Variants in NELL1 observed in about 807,000 individuals in gnomAD.
NELL1 encodes neural EGFL like 1, also known as protein kinase C-binding protein NELL1.
NELL1 carries 76 observed loss-of-function variants against 107.4 expected under a neutral mutation model. The observed-to-expected ratio is 0.71, with a 90% confidence interval of 0.59 to 0.86. The LOEUF is 0.86. Among genes scored for constraint, NELL1 ranks in the 40% least tolerant of loss-of-function variants. The probability of loss-of-function intolerance (pLI) is 0.00; values close to 1 mark genes in which losing one functional copy is unlikely to be tolerated. For missense variants in NELL1, 1,024 were observed against 1,005.5 expected, an observed-to-expected ratio of 1.02 and a Z score of -0.25; for synonymous variants, 353 against 341.2, an observed-to-expected ratio of 1.03 and a Z score of -0.38.
At chr11:21,081,935 A>C (rs1854279193) in intron 12 of NELL1, among the ~76,000 whole-genome samples, 1 of 152,202 alleles carries the variant, frequency 6.6e-6, no homozygotes, top group African/African-American at 2.4e-5. Context: ...ATTTACTCAG[A>C]TGGGGGAACT....
intron 13 of NELL1, among the ~76,000 whole-genome samples, chr11:21,151,919 C>G (rs1159759490): frequency 6.6e-6 from 1 of 152,188 alleles, no homozygotes; most frequent in African/African-American, 2.4e-5. Context: ...CTATCTCCAT[C>G]CATTTGGCCT....
intron 12 of NELL1, among the ~76,000 whole-genome samples, chr11:20,990,388 C>T (rs1030709993): frequency 1.3e-5 from 2 of 152,182 alleles, no homozygotes; most frequent in Non-Finnish European, 2.9e-5. Context: ...CAAAGTGGCT[C>T]AAGGCTAGTT....
chr11:21,488,409 T>G (rs1020873799), intron 15 of NELL1, among the ~76,000 whole-genome samples: 26 of 152,146 alleles, frequency 1.7e-4, no homozygotes, highest in African/African-American at 6.0e-4. Context: ...TCAGCTTTGA[T>G]TCTGGATTTG....
At chr11:21,187,554 C>T (rs1856960646) in intron 13 of NELL1, among the ~76,000 whole-genome samples, 1 of 151,720 alleles carries the variant, frequency 6.6e-6, no homozygotes. Flanking sequence ...AAATTTTTGC[C>T]TATTTATTTT....
At chr11:21,363,693 T>G (rs114736411) in intron 14 of NELL1, among the ~76,000 whole-genome samples, 3,599 of 152,310 alleles carry the variant, frequency 0.024, 137 homozygotes, top group African/African-American at 0.08. Flanking sequence ...TATTATGATA[T>G]AGTTACTATA....
chr11:21,422,170 A>G (rs1852695313), intron 15 of NELL1, among the ~76,000 whole-genome samples: 1 of 151,826 alleles, frequency 6.6e-6, no homozygotes, highest in South Asian at 2.1e-4. Context: ...AGAAGAAGAG[A>G]GACAAAGAGA....
intron 12 of NELL1, among the ~76,000 whole-genome samples, chr11:20,989,947 AG>A (rs2134256214): frequency 6.6e-6 from 1 of 151,360 alleles, no homozygotes; most frequent in African/African-American, 2.4e-5. Context: ...CAGTGAGCCG[AG>A]ATCGCGCCAC....
intron 13 of NELL1, among the ~76,000 whole-genome samples, chr11:21,190,956 A>G (rs1289478534): frequency 1.3e-5 from 2 of 151,840 alleles, no homozygotes; most frequent in East Asian, 1.9e-4. Context: ...AAGATTTTGT[A>G]TGTAATGTTG....
At chr11:21,194,087 T>G (rs1857101205) in intron 13 of NELL1, among the ~76,000 whole-genome samples, 1 of 151,872 alleles carries the variant, frequency 6.6e-6, no homozygotes, top group Non-Finnish European at 1.5e-5. Context: ...GGAACTCATA[T>G]TGACCTTTAG....
At chr11:20,936,090 T>C (rs1850719204) in intron 9 of NELL1, among the ~76,000 whole-genome samples, 1 of 152,056 alleles carries the variant, frequency 6.6e-6, no homozygotes, top group African/African-American at 2.4e-5. Flanking sequence ...AATGAGGTGG[T>C]GAAGGAAGAA....
intron 15 of NELL1, among the ~76,000 whole-genome samples, chr11:21,419,240 G>A (rs1163280354): frequency 6.6e-6 from 1 of 152,090 alleles, no homozygotes; most frequent in Non-Finnish European, 1.5e-5. Flanking sequence ...GTAAAAATTA[G>A]TGAGAGAAGT....
At chr11:21,100,504 A>G (rs1465014136) in intron 12 of NELL1, among the ~76,000 whole-genome samples, 4 of 152,156 alleles carry the variant, frequency 2.6e-5, no homozygotes, top group Admixed American at 6.5e-5. Context: ...GGAAACCTCA[A>G]ATTTATGGTG....
chr11:21,383,286 C>T (rs1453661105), intron 15 of NELL1, among the ~76,000 whole-genome samples: 1 of 151,776 alleles, frequency 6.6e-6, no homozygotes, highest in African/African-American at 2.4e-5. Flanking sequence ...TTTGGGCTAA[C>T]GTGGTTTTAA....
chr11:21,287,919 C>T (rs1416166395), intron 14 of NELL1, among the ~76,000 whole-genome samples: 1 of 151,502 alleles, frequency 6.6e-6, no homozygotes, highest in Non-Finnish European at 1.5e-5. Flanking sequence ...TCATTCATCA[C>T]TATAGCATCA....
intron 14 of NELL1, among the ~76,000 whole-genome samples, chr11:21,318,867 T>C (rs544498685): frequency 1.3e-5 from 2 of 152,016 alleles, no homozygotes; most frequent in South Asian, 2.1e-4. Flanking sequence ...TGAGTTAAAA[T>C]CCCGACTCTA....
chr11:21,482,254 T>A (rs1023146845), intron 15 of NELL1, among the ~76,000 whole-genome samples: 7 of 152,202 alleles, frequency 4.6e-5, no homozygotes, highest in African/African-American at 1.7e-4. Context: ...GACTCCACTG[T>A]AGTGTTGAGT....
At chr11:21,218,683 A>C (rs1857678336) in intron 13 of NELL1, among the ~76,000 whole-genome samples, 1 of 152,190 alleles carries the variant, frequency 6.6e-6, no homozygotes, top group Admixed American at 6.5e-5. Context: ...ACAAGTCTAC[A>C]CTATACTTTT....
intron 15 of NELL1, among the ~76,000 whole-genome samples, chr11:21,413,970 A>G (rs1352761359): frequency 6.6e-6 from 1 of 152,084 alleles, no homozygotes. Flanking sequence ...TTTGTTGTTC[A>G]CAATGGTAGT....
chr11:21,273,660 C>T (rs1328368590), intron 14 of NELL1, among the ~76,000 whole-genome samples: 14 of 152,136 alleles, frequency 9.2e-5, no homozygotes, highest in African/African-American at 2.7e-4. Flanking sequence ...AGAGAAAGGT[C>T]GGGTTACCCA....
Sources: gnomAD v4.1 joint callset for allele counts (sites outside exome capture counted in the v4.1 genomes callset) on GRCh38, gnomAD v4.1.1 for gene constraint, MANE v1.5 for transcripts, NCBI Gene and HGNC (gene_info 2026-07-23, HGNC 2026-07-21) for gene names.